Variants in SLC24A2 observed in about 807,000 individuals in gnomAD.
SLC24A2 encodes the protein sodium/potassium/calcium exchanger 2.
A neutral mutation model predicts 62.0 loss-of-function variants in SLC24A2; 36 were observed. The observed-to-expected ratio is 0.58, with a 90% CI of 0.44 to 0.77. The LOEUF (loss-of-function observed/expected upper bound fraction) is 0.77, where lower values mean the gene tolerates loss of function less well. Ranked by LOEUF, SLC24A2 falls within the 30% of genes least tolerant of loss-of-function variation. The probability of loss-of-function intolerance (pLI) is 0.00; values close to 1 mark genes in which losing one functional copy is unlikely to be tolerated. For missense variants in SLC24A2, 846 were observed against 817.9 expected, an observed-to-expected ratio of 1.03 and a Z score of -0.42; for synonymous variants, 358 against 294.0, an observed-to-expected ratio of 1.22 and a Z score of -2.23.
intron 4 of SLC24A2, among the ~76,000 whole-genome samples, chr9:19,607,300 C>A (rs1270947368): frequency 6.6e-6 from 1 of 152,184 alleles, no homozygotes; most frequent in African/African-American, 2.4e-5. Flanking sequence ...TGAGTCCTCC[C>A]TTCTGAAGGA....
the SLC24A2 span, among the ~76,000 whole-genome samples, chr9:20,166,708 A>G: frequency 6.6e-6 from 1 of 151,984 alleles, no homozygotes; most frequent in Non-Finnish European, 1.5e-5. Context: ...TAGTAGAGGG[A>G]GGATACTTCT....
chr9:20,152,041 G>T, the SLC24A2 span, among the ~76,000 whole-genome samples: 5 of 151,732 alleles, frequency 3.3e-5, no homozygotes, highest in Non-Finnish European at 5.9e-5. Flanking sequence ...ATCTCCCATG[G>T]TATCCAGCCT....
At chr9:20,135,531 C>T in the SLC24A2 span, among the ~76,000 whole-genome samples, 1 of 152,114 alleles carries the variant, frequency 6.6e-6, no homozygotes. Context: ...GATAACGATT[C>T]TAGCACACGA....
chr9:19,542,178 C>T (rs561562633), intron 8 of SLC24A2, among the ~76,000 whole-genome samples: 28 of 152,290 alleles, frequency 1.8e-4, no homozygotes, highest in Admixed American at 7.8e-4. Flanking sequence ...GCGTCGCTCA[C>T]GCTGGGAGCT....
chr9:19,575,616 T>C (rs980380900), intron 6 of SLC24A2, among the ~76,000 whole-genome samples: 7 of 152,210 alleles, frequency 4.6e-5, no homozygotes, highest in African/African-American at 1.7e-4. Context: ...CCCAATAACA[T>C]TTTCTAGTTC....
chr9:19,916,021 G>T, the SLC24A2 span, among the ~76,000 whole-genome samples: 2 of 151,896 alleles, frequency 1.3e-5, no homozygotes, highest in Non-Finnish European at 2.9e-5. Flanking sequence ...TTTCTTCTAA[G>T]AGTTTTACAG....
intron 2 of SLC24A2, among the ~76,000 whole-genome samples, chr9:19,717,759 T>C (rs182522452): frequency 1.1e-3 from 174 of 152,222 alleles, no homozygotes; most frequent in Non-Finnish European, 2.0e-3. Flanking sequence ...CTTCTCCTCT[T>C]TTTGCTATGA....
At chr9:20,063,906 C>A in the SLC24A2 span, among the ~76,000 whole-genome samples, 286 of 152,212 alleles carry the variant, frequency 1.9e-3, 12 homozygotes, top group South Asian at 0.052. Context: ...CATCCACTAC[C>A]CAAAACAGCT....
intron 2 of SLC24A2, among the ~76,000 whole-genome samples, chr9:19,741,179 T>C (rs1311326672): frequency 6.6e-6 from 1 of 152,166 alleles, no homozygotes; most frequent in African/African-American, 2.4e-5. Flanking sequence ...CGCTCTTGCC[T>C]CTTGACTCCA....
chr9:19,610,499 G>GA (rs1563996461), intron 4 of SLC24A2, among the ~76,000 whole-genome samples: 1 of 152,122 alleles, frequency 6.6e-6, no homozygotes, highest in Non-Finnish European at 1.5e-5. Flanking sequence ...AACGAGAGAA[G>GA]AACAAAGCAT....
chr9:20,184,332 C>G, the SLC24A2 span, among the ~76,000 whole-genome samples: 161 of 152,266 alleles, frequency 1.1e-3, no homozygotes, highest in Middle Eastern at 3.4e-3. Context: ...GGGCAGACCA[C>G]GAGATCAAGA....
the SLC24A2 span, among the ~76,000 whole-genome samples, chr9:20,008,119 C>T: frequency 0.015 from 2,226 of 151,914 alleles, 53 homozygotes; most frequent in African/African-American, 0.05. Flanking sequence ...TGGTCTTGAA[C>T]TCCTGACCTC....
the SLC24A2 span, among the ~76,000 whole-genome samples, chr9:20,151,727 T>C: frequency 4.6e-5 from 7 of 151,972 alleles, no homozygotes; most frequent in East Asian, 9.7e-4. Context: ...TTACCCACTA[T>C]AGATAACTAA....
At chr9:20,123,579 G>T in the SLC24A2 span, among the ~76,000 whole-genome samples, 1 of 152,030 alleles carries the variant, frequency 6.6e-6, no homozygotes. Flanking sequence ...AAAAAATACT[G>T]AACTTTTATC....
the SLC24A2 span, among the ~76,000 whole-genome samples, chr9:19,937,469 G>C: frequency 6.6e-6 from 1 of 152,182 alleles, no homozygotes; most frequent in Non-Finnish European, 1.5e-5. Flanking sequence ...TATAGGGATA[G>C]ATTTTGGAAT....
chr9:20,192,182 C>A, the SLC24A2 span, among the ~76,000 whole-genome samples: 1 of 151,888 alleles, frequency 6.6e-6, no homozygotes, highest in Non-Finnish European at 1.5e-5. Context: ...GAGGTAACTG[C>A]TTAAGCAAAG....
At chr9:19,931,900 G>A in the SLC24A2 span, among the ~76,000 whole-genome samples, 5 of 151,944 alleles carry the variant, frequency 3.3e-5, no homozygotes, top group East Asian at 9.7e-4. Flanking sequence ...AGACTGAACT[G>A]GGTTTTTAAT....
the SLC24A2 span, among the ~76,000 whole-genome samples, chr9:20,225,753 T>C: frequency 2.0e-5 from 3 of 150,780 alleles, no homozygotes; most frequent in East Asian, 2.0e-4. Flanking sequence ...ATTCCAAAGA[T>C]AGTCATGGGA....
chr9:19,869,912 C>A, the SLC24A2 span, among the ~76,000 whole-genome samples: 1 of 152,150 alleles, frequency 6.6e-6, no homozygotes, highest in Admixed American at 6.5e-5. Flanking sequence ...GAAGGACTTC[C>A]TTTAATATTT....
Sources: allele counts gnomAD v4.1 joint callset (sites outside exome capture counted in the v4.1 genomes callset), GRCh38; gene constraint gnomAD v4.1.1; transcripts MANE v1.5; gene names NCBI Gene and HGNC (gene_info 2026-07-23, HGNC 2026-07-21).